TMEM234: variants seen among roughly 807,000 people sequenced by gnomAD.
TMEM234 encodes chromosome 1 open reading frame 91.
TMEM234 carries 21 observed loss-of-function variants against 17.8 expected under a neutral mutation model. The ratio of observed to expected loss-of-function variants is 1.18; its 90% CI spans 0.84 to 1.70. The LOEUF (loss-of-function observed/expected upper bound fraction) is 1.70. Among genes scored for constraint, TMEM234 ranks in the 40% most tolerant of loss-of-function variants. TMEM234 has a pLI of 0.00. For missense variants in TMEM234, 137 were observed against 166.9 expected (o/e 0.82, Z 0.99); for synonymous variants, 83 against 73.5 (o/e 1.13, Z -0.66).
chr1:32,215,865 A>C, downstream of TMEM234: 2 of 1,552,424 alleles, frequency 1.3e-6, no homozygotes, highest in Non-Finnish European at 1.7e-6. Flanking sequence ...TGGGGCTGCT[A>C]TCTCAGCCTC....
rs138750623 is a variant in TMEM234, at chr1:32,216,814, T to C, written c.*39A>G. On this transcript the variant is annotated 3_prime_UTR_variant, in exon 5 of 5. Coordinates refer to ENST00000309777, the MANE Select transcript of TMEM234 (RefSeq NM_019118.5). The stretch of plus-strand genomic sequence containing the variant: ...TGCCAGCACTTCATGGCCCAGGGGC[T>C]TCCTGGAGGCAGCAGAGCTGGAAGT... 1,120 of 1,611,200 alleles carry C rather than the reference T, an allele frequency of 7.0e-4. 5 individuals carry two copies. In the African/African-American group the frequency reaches 0.013, roughly 18 times the overall value.
chr1:32,222,094 C>T, intron 1 of TMEM234, 76 bp from the exon 2 acceptor site: 1 of 1,505,100 alleles, frequency 6.6e-7, no homozygotes, highest in Non-Finnish European at 8.9e-7. Context: ...GGCCTTCTAG[C>T]CCCAGCTAGC....
At chr1:32,215,253 G>A (rs1638280454), downstream of TMEM234, 2 of 610,792 alleles carry the variant, frequency 3.3e-6, no homozygotes, top group South Asian at 4.4e-5. Context: ...AAGACTTCAG[G>A]GGTGGGATAT....
chr1:32,221,058 C>T lies in TMEM234; in HGVS notation c.235+73G>A. 3.0e-6 allele frequency: 4 copies of T among 1,313,910 alleles called. No individual in the cohort carries two copies. In the South Asian group the frequency reaches 3.7e-5, roughly 12 times the overall value. The allele number at this position is 1,313,910 out of a possible 1,614,324, so 81.4% of individuals were successfully genotyped here. On this transcript the variant is annotated intron_variant, in intron 3 of 4. Coordinates refer to ENST00000309777, the MANE Select transcript of TMEM234 (RefSeq NM_019118.5). ...GATGGGAATGAGGTGTTTCAAGCTCCACCCCGCCCCCCCCAATCACTCTTC... is the reference window on the plus strand; with the variant it reads ...GATGGGAATGAGGTGTTTCAAGCTCTACCCCGCCCCCCCCAATCACTCTTC...
intron 3 of TMEM234, among the ~76,000 whole-genome samples, chr1:32,220,325 C>T (rs1638781844): frequency 6.6e-6 from 1 of 152,116 alleles, no homozygotes; most frequent in African/African-American, 2.4e-5. Flanking sequence ...TACAGGCACA[C>T]ACCACCACAC....
chr1:32,221,796 C>T (rs1197893585), intron 2 of TMEM234, 71 bp downstream of exon 2: 40 of 1,594,028 alleles, frequency 2.5e-5, no homozygotes, highest in Non-Finnish European at 3.3e-5. Flanking sequence ...CTGACCCAGA[C>T]CTGTTTGACT....
downstream of TMEM234, chr1:32,216,101 G>A: frequency 1.5e-6 from 1 of 673,566 alleles, no homozygotes; most frequent in Non-Finnish European, 2.5e-6. Context: ...CTGGCTGTGG[G>A]GGCTATTTCC....
At chr1:32,217,191 G>A (rs749738718) in intron 4 of TMEM234, 68 bp downstream of exon 4, 8 of 1,613,650 alleles carry the variant, frequency 5.0e-6, no homozygotes, top group Non-Finnish European at 6.8e-6. Context: ...TGGGTTCTGG[G>A]AAGGAACTAA....
In TMEM234 at chr1:32,216,606, G is replaced by C. The variant is rs1292728981; in HGVS notation, c.*247C>G. ...TAGCAGGAAGAGAGCTGCTGGGGCA[G>C]AAAGGTTGCTGAGGGTGAGCGTAGA... On this transcript the variant is annotated 3_prime_UTR_variant, in exon 5 of 5. Coordinates refer to ENST00000309777, the MANE Select transcript of TMEM234 (RefSeq NM_019118.5). The C allele has an allele frequency of 1.3e-6, 2 of 1,538,450 alleles. No homozygotes were observed. Among genetic ancestry groups the C allele is most frequent in the Non-Finnish European group, 1.8e-6 (2 of 1,137,544 alleles).
At chr1:32,221,062 C>T (rs564825459) in intron 3 of TMEM234, 69 bp downstream of exon 3, 3 of 1,355,968 alleles carry the variant, frequency 2.2e-6, no homozygotes, top group Admixed American at 1.8e-5. Context: ...AAGCTCCACC[C>T]CGCCCCCCCC....
At chr1:32,214,558 G>A (rs904650692), downstream of TMEM234, 1 of 530,234 alleles carries the variant, frequency 1.9e-6, no homozygotes, top group East Asian at 3.3e-5. Flanking sequence ...TGGGGGTGGG[G>A]AAGCACAGTC....
chr1:32,215,951 C>A, downstream of TMEM234: 1 of 1,418,560 alleles, frequency 7.0e-7, no homozygotes, highest in South Asian at 1.2e-5. Flanking sequence ...CACCTTTTGT[C>A]CTTAGCCTCC....
At chr1:32,215,752 G>A (rs771887129), downstream of TMEM234, 13 of 1,427,994 alleles carry the variant, frequency 9.1e-6, no homozygotes, top group Non-Finnish European at 1.9e-6. Flanking sequence ...GAGAGCTGGA[G>A]GCTGGCCATA....
chr1:32,215,380 G>A (rs1193026107), downstream of TMEM234: 1 of 1,414,898 alleles, frequency 7.1e-7, no homozygotes, highest in African/African-American at 1.4e-5. Context: ...GAAGGTCCAG[G>A]GCAGGAATGC....
intron 1 of TMEM234, 34 bp from the exon 2 acceptor site, chr1:32,222,052 A>C (rs1274236851): frequency 1.9e-6 from 3 of 1,565,612 alleles, no homozygotes; most frequent in Non-Finnish European, 2.6e-6. Context: ...CCTGACCCCC[A>C]CCCCAAACGG....
downstream of TMEM234, chr1:32,215,141 C>CA: frequency 2.9e-6 from 2 of 684,130 alleles, no homozygotes; most frequent in Non-Finnish European, 4.7e-6. Context: ...CTGACCTCAT[C>CA]ATAACTGTCT....
intron 3 of TMEM234, 21 bp from the exon 4 acceptor site, chr1:32,217,372 G>T (rs1183061775): frequency 1.3e-6 from 2 of 1,596,990 alleles, no homozygotes; most frequent in Non-Finnish European, 8.6e-7. Flanking sequence ...AGAATGAAAA[G>T]AATGCCTGAG....
downstream of TMEM234, chr1:32,215,468 C>A (rs11590012): frequency 0.013 from 20,278 of 1,613,096 alleles, 168 homozygotes; most frequent in Non-Finnish European, 0.015. Flanking sequence ...GAGCTCCCCA[C>A]CGAAGGAAGG....
Position 32,219,703 on chromosome 1 carries a change from ACAAGGAGT to A in TMEM234, c.235+1420_235+1427del, listed in dbSNP as rs1479389349. On this transcript the variant is annotated intron_variant, in intron 3 of 4. Coordinates refer to ENST00000309777, the MANE Select transcript of TMEM234 (RefSeq NM_019118.5). ...CTGCCTTCTTAAGTTTACATACCTT[ACAAGGAGT>A]GTCATGGCTGCTAAGGTCTGGTTTG... 3.3e-5 allele frequency among the ~76,000 whole-genome samples: 5 copies of A among 152,258 alleles called. No homozygotes were observed. The East Asian group carries it at 9.7e-4, about 29-fold the overall frequency.
Sources: gnomAD v4.1 joint callset for allele counts (sites outside exome capture counted in the v4.1 genomes callset) on GRCh38, gnomAD v4.1.1 for gene constraint, MANE v1.5 for transcripts, NCBI Gene and HGNC (gene_info 2026-07-23, HGNC 2026-07-21) for gene names.